The following CYP19A1 variants were observed in gnomAD, a reference collection of about 807,000 sequenced individuals.
CYP19A1 encodes aromatase.
CYP19A1 carries 32 observed loss-of-function variants against 44.4 expected under a neutral mutation model. The ratio of observed to expected loss-of-function variants is 0.72; its 90% CI spans 0.54 to 0.97. The LOEUF is 0.97. Ranked by LOEUF, CYP19A1 falls within the 50% of genes least tolerant of loss-of-function variation. CYP19A1 has a pLI of 0.00. For synonymous variants in CYP19A1, 212 were observed against 215.6 expected, an observed-to-expected ratio of 0.98 and a Z score of 0.14; for missense variants, 598 against 637.8, an observed-to-expected ratio of 0.94 and a Z score of 0.67.
intron 1 of CYP19A1, among the ~76,000 whole-genome samples, chr15:51,270,637 G>A (rs1192486722): frequency 2.6e-5 from 4 of 152,216 alleles, no homozygotes; most frequent in Non-Finnish European, 5.9e-5. Context: ...CACTGTGTGA[G>A]ATAAGTAGAA....
chr15:51,256,217 G>T (rs2034509165), intron 1 of CYP19A1, among the ~76,000 whole-genome samples: 1 of 152,174 alleles, frequency 6.6e-6, no homozygotes, highest in Non-Finnish European at 1.5e-5. Flanking sequence ...CTAACCTTGG[G>T]AATATCTGAA....
intron 5 of CYP19A1, 105 bp downstream of exon 5, chr15:51,222,244 A>G (rs2032151917): frequency 1.9e-6 from 3 of 1,586,994 alleles, no homozygotes; most frequent in Non-Finnish European, 2.6e-6. Flanking sequence ...TTTAAACAAG[A>G]GCAATGTAGA....
At chr15:51,247,675 A>C (rs1320056234) in intron 1 of CYP19A1, among the ~76,000 whole-genome samples, 1 of 152,038 alleles carries the variant, frequency 6.6e-6, no homozygotes, top group African/African-American at 2.4e-5. Context: ...GGGTTTCACC[A>C]TGTTGGTCAG....
At chr15:51,256,464 C>G (rs1296506323) in intron 1 of CYP19A1, among the ~76,000 whole-genome samples, 1 of 152,198 alleles carries the variant, frequency 6.6e-6, no homozygotes, top group Non-Finnish European at 1.5e-5. Context: ...ACCCTGACAC[C>G]TACCCCATGA....
chr15:51,209,469 A>C lies in CYP19A1; in HGVS notation c.*1339T>G, dbSNP rs905747200. The C allele has an allele frequency of 2.6e-5, 4 of 152,402 alleles. No individual in the cohort carries two copies. Among genetic ancestry groups the C allele is most frequent in the African/African-American group, 4.8e-5 (2 of 41,590 alleles). 9.4% of individuals were successfully genotyped at this position (152,402 alleles called of 1,614,324 possible). A position where few individuals can be genotyped will look rare whatever the true frequency, so the allele number is the denominator to read the frequency against. ...GGGATGGCAATGGATTCAATGACAA[A>C]TATTTACCTATTTGTAAATAAGTTT... On this transcript the variant is annotated 3_prime_UTR_variant, in exon 10 of 10. Coordinates refer to ENST00000396402, the MANE Select transcript of CYP19A1 (RefSeq NM_000103.4).
intron 1 of CYP19A1, among the ~76,000 whole-genome samples, chr15:51,246,417 G>A (rs913419261): frequency 3.9e-5 from 6 of 152,148 alleles, no homozygotes; most frequent in African/African-American, 7.2e-5. Context: ...AGCATCCCAC[G>A]TTGGCCTGGC....
At chr15:51,224,205 C>G (rs1016536292) in intron 4 of CYP19A1, among the ~76,000 whole-genome samples, 2 of 152,162 alleles carry the variant, frequency 1.3e-5, no homozygotes, top group Non-Finnish European at 2.9e-5. Flanking sequence ...TTGCACTTAA[C>G]TATTTCTCTA....
chr15:51,221,148 T>A (rs1041178509), intron 5 of CYP19A1, among the ~76,000 whole-genome samples: 1 of 152,172 alleles, frequency 6.6e-6, no homozygotes, highest in Non-Finnish European at 1.5e-5. Context: ...TGCTTATGGA[T>A]AAGAAGTAAA....
chr15:51,227,844 T>C lies in CYP19A1; in HGVS notation c.386A>G (p.Glu129Gly). The change falls in exon 4 of 10, where the codon GAG becomes GGG. Residue 129 changes from glutamate to glycine, a missense_variant. Physicochemically the swap from Glu to Gly is moderately conservative, Grantham distance 98. Coordinates refer to ENST00000396402, the MANE Select transcript of CYP19A1 (RefSeq NM_000103.4). ...ATTGTTGTTAAATATGATGCCTTTC[T>C]CATGCATACCGATGCACTGCAGCCC... is the stretch of plus-strand genomic sequence containing the variant. The part of the protein sequence containing the change: ...KLGLQCIGMH[E>G]KGIIFNNNPE... 6.5e-7 allele frequency: 1 copy of C among 1,530,516 alleles called. No homozygotes were observed. The highest frequency in any genetic ancestry group is 9.1e-7 in the Non-Finnish European group (1 of 1,103,836). The allele number at this position is 1,530,516 out of a possible 1,614,324, so 94.8% of individuals were successfully genotyped here. A position where few individuals can be genotyped will look rare whatever the true frequency, so the allele number is the denominator to read the frequency against.
intron 6 of CYP19A1, chr15:51,218,314 C>T (rs2031763222): frequency 1.8e-6 from 1 of 542,368 alleles, no homozygotes; most frequent in Non-Finnish European, 3.2e-6. Context: ...CACACTCAGC[C>T]CCCTTGCCGA....
intron 1 of CYP19A1, among the ~76,000 whole-genome samples, chr15:51,289,421 G>C (rs2035790953): frequency 1.3e-5 from 2 of 152,144 alleles, no homozygotes; most frequent in Admixed American, 1.3e-4. Context: ...CCTGACTCCT[G>C]CTCCAGGCTT....
At chr15:51,257,516 T>C (rs1051132342) in intron 1 of CYP19A1, among the ~76,000 whole-genome samples, 4 of 152,116 alleles carry the variant, frequency 2.6e-5, no homozygotes, top group African/African-American at 4.8e-5. Flanking sequence ...CAAACAGCCC[T>C]AGGAAGGGTG....
intron 3 of CYP19A1, among the ~76,000 whole-genome samples, chr15:51,228,401 T>C (rs12442028): frequency 0.096 from 14,643 of 152,292 alleles, 815 homozygotes; most frequent in Admixed American, 0.18. Context: ...TAAAGTCTTG[T>C]TTTCCTATTT....
intron 1 of CYP19A1, among the ~76,000 whole-genome samples, chr15:51,275,996 G>A (rs947253292): frequency 2.0e-5 from 3 of 152,200 alleles, no homozygotes; most frequent in Admixed American, 6.5e-5. Context: ...ACTTTTAGAC[G>A]CTAAATGAAG....
intron 1 of CYP19A1, among the ~76,000 whole-genome samples, chr15:51,260,591 A>G (rs1054499433): frequency 1.3e-5 from 2 of 152,178 alleles, no homozygotes; most frequent in African/African-American, 4.8e-5. Context: ...AGGAAGTGAG[A>G]GACAGAACTA....
chr15:51,243,101 A>T, intron 1 of CYP19A1, 151 bp from the exon 2 acceptor site: 1 of 630,700 alleles, frequency 1.6e-6, no homozygotes, highest in East Asian at 2.8e-5. Flanking sequence ...TATGGTTACA[A>T]GTCAAAACAA....
At position 51,210,934 on chromosome 15, in the gene CYP19A1, T is replaced by C. The variant is rs1437898056; in HGVS notation, c.1386A>G (p.Thr462=). 11 of 1,609,346 alleles carry C rather than the reference T, an allele frequency of 6.8e-6. No homozygotes were observed. Among genetic ancestry groups the C allele is most frequent in the Admixed American group, 5.0e-5 (3 of 59,998 alleles). ...TGCTCTCAACACACTGTCCTTGCAA[T>C]GTCTTCACGTGGAATCGTCTCAGAA... ...VTLLRRFHVK[T]LQGQCVESIQ... is the part of the protein sequence containing the mutation. The change falls in exon 10 of 10, where the codon ACA becomes ACG. Residue 462 remains threonine (T), a synonymous_variant. Transcript: ENST00000396402.
At chr15:51,242,440 A>T (rs1023722380) in intron 2 of CYP19A1, among the ~76,000 whole-genome samples, 3 of 152,022 alleles carry the variant, frequency 2.0e-5, no homozygotes, top group African/African-American at 7.2e-5. Context: ...TCTATTTTTT[A>T]AAAGTTAACC....
intron 1 of CYP19A1, among the ~76,000 whole-genome samples, chr15:51,282,729 A>G (rs1052952227): frequency 6.6e-6 from 1 of 152,254 alleles, no homozygotes; most frequent in Non-Finnish European, 1.5e-5. Context: ...GCCCTGGTGA[A>G]GGAACACTAG....
Sources: allele counts gnomAD v4.1 joint callset (sites outside exome capture counted in the v4.1 genomes callset), GRCh38; gene constraint gnomAD v4.1.1; transcripts MANE v1.5; gene names NCBI Gene and HGNC (gene_info 2026-07-23, HGNC 2026-07-21).